Variants in ATP8A2 observed in about 807,000 individuals in gnomAD.
The protein encoded by ATP8A2 is ATPase phospholipid transporting 8A2.
Under a neutral mutation model 165.6 loss-of-function variants are expected in ATP8A2, and 100 were observed. That is an observed-to-expected ratio of 0.60 (90% CI 0.51 to 0.71). The LOEUF is 0.71. Among genes scored for constraint, ATP8A2 ranks in the 30% least tolerant of loss-of-function variants. The pLI is 0.00. For synonymous variants in ATP8A2, 543 were observed against 548.8 expected, an observed-to-expected ratio of 0.99 and a Z score of 0.15; for missense variants, 1,227 against 1,479.5, an observed-to-expected ratio of 0.83 and a Z score of 2.80.
At chr13:25,829,721 T>TATATATATATAA (rs1951416669) in intron 28 of ATP8A2, among the ~76,000 whole-genome samples, 1 of 119,006 alleles carries the variant, frequency 8.4e-6, no homozygotes, top group Non-Finnish European at 1.7e-5. Context: ...TATATATATA[T>TATATATATATAA]CACCTGCTTA....
At chr13:25,376,368 C>T (rs933925122) in intron 1 of ATP8A2, among the ~76,000 whole-genome samples, 1 of 152,208 alleles carries the variant, frequency 6.6e-6, no homozygotes, top group African/African-American at 2.4e-5. Context: ...TTTTACTGAA[C>T]TCTGTCATGG....
intron 28 of ATP8A2, among the ~76,000 whole-genome samples, chr13:25,836,159 T>C (rs944840246): frequency 1.0e-3 from 144 of 140,760 alleles, no homozygotes; most frequent in African/African-American, 3.7e-3. Context: ...GCTGTGAATC[T>C]CCTGTTTTTT....
intron 2 of ATP8A2, among the ~76,000 whole-genome samples, chr13:25,512,631 G>A (rs543595847): frequency 9.4e-5 from 14 of 148,480 alleles, no homozygotes; most frequent in East Asian, 2.0e-4. Context: ...CTGGCTGGGC[G>A]GGGGGCTGAC....
At chr13:25,691,758 A>G (rs980149888) in intron 24 of ATP8A2, among the ~76,000 whole-genome samples, 1 of 152,240 alleles carries the variant, frequency 6.6e-6, no homozygotes, top group African/African-American at 2.4e-5. Context: ...AGATTGGAAG[A>G]AGGCAATATT....
intron 24 of ATP8A2, among the ~76,000 whole-genome samples, chr13:25,607,697 T>C (rs1375101521): frequency 6.6e-6 from 1 of 152,100 alleles, no homozygotes; most frequent in Non-Finnish European, 1.5e-5. Context: ...TCTGAAACAG[T>C]GTTTTTAAAA....
Position 25,409,187 on chromosome 13 carries a change from A to G in ATP8A2, c.76+36899A>G, listed in dbSNP as rs191953483. 2.6e-3 allele frequency among the ~76,000 whole-genome samples: 403 copies of G among 152,310 alleles called. 1 individual carries two copies. The highest frequency in any genetic ancestry group is 4.3e-3 in the Non-Finnish European group (291 of 68,030). The stretch of plus-strand genomic sequence containing the variant: ...TTCTCAGCCCTGGTACATGCTGTCT[A>G]CTGAAGTATTGACTTAAAGTCTGCA... On this transcript the variant is annotated intron_variant, in intron 1 of 36. Coordinates refer to ENST00000381655, the MANE Select transcript of ATP8A2 (RefSeq NM_016529.6).
At chr13:25,860,783 A>C (rs774832351) in intron 31 of ATP8A2, 21 bp from the exon 32 acceptor site, 2 of 1,574,382 alleles carry the variant, frequency 1.3e-6, no homozygotes, top group African/African-American at 2.7e-5. Context: ...TGTGTTTCCA[A>C]ACTGTCTTTT....
At chr13:25,848,955 G>T (rs1951942625) in intron 30 of ATP8A2, among the ~76,000 whole-genome samples, 1 of 152,058 alleles carries the variant, frequency 6.6e-6, no homozygotes, top group Non-Finnish European at 1.5e-5. Context: ...GTTGCTAGTT[G>T]GGATGGGGTG....
At position 25,506,889 on chromosome 13, in the gene ATP8A2, A is replaced by AT. The variant is rs201444118; in HGVS notation, c.222-23106dup. On this transcript the variant is annotated intron_variant, in intron 2 of 36. Coordinates refer to ENST00000381655, the MANE Select transcript of ATP8A2 (RefSeq NM_016529.6). Reference sequence around the variant, plus strand: ...GATTTTAGAGCATTTCAAATTTCAGATTTTCGGATTAGGGATATTTAACCT... The same window carrying AT: ...GATTTTAGAGCATTTCAAATTTCAGATTTTTCGGATTAGGGATATTTAACCT... 4.5e-3 allele frequency among the ~76,000 whole-genome samples: 666 copies of AT among 149,020 alleles called. 6 individuals are homozygous for AT. Among genetic ancestry groups the AT allele is most frequent in the African/African-American group, 0.016 (629 of 40,554 alleles).
intron 23 of ATP8A2, 114 bp from the exon 24 acceptor site, chr13:25,589,521 A>G: frequency 2.8e-6 from 2 of 718,616 alleles, no homozygotes; most frequent in Admixed American, 2.2e-5. Context: ...CTGTTACCCT[A>G]TTCCTCTGTG....
At chr13:25,791,769 A>G (rs1593353209) in intron 27 of ATP8A2, among the ~76,000 whole-genome samples, 2 of 152,302 alleles carry the variant, frequency 1.3e-5, no homozygotes, top group East Asian at 1.9e-4. Flanking sequence ...CAACAATGAC[A>G]TGTTCCAGCC....
At chr13:25,794,989 C>G (rs547654931) in intron 27 of ATP8A2, among the ~76,000 whole-genome samples, 1 of 151,932 alleles carries the variant, frequency 6.6e-6, no homozygotes, top group Non-Finnish European at 1.5e-5. Context: ...CTCAGCCTCC[C>G]GAGAGTGATC....
At chr13:25,835,646 C>G (rs1044607139) in intron 28 of ATP8A2, among the ~76,000 whole-genome samples, 6 of 152,144 alleles carry the variant, frequency 3.9e-5, no homozygotes, top group Non-Finnish European at 8.8e-5. Context: ...TCAGGGCCAA[C>G]ATGTCCTGAG....
chr13:25,407,967 G>A (rs989334517), intron 1 of ATP8A2, among the ~76,000 whole-genome samples: 12 of 152,064 alleles, frequency 7.9e-5, no homozygotes, highest in African/African-American at 2.4e-4. Flanking sequence ...ATGCATGCGG[G>A]GCTTAAAACC....
chr13:25,532,238 G>C lies in ATP8A2; in HGVS notation c.421-34G>C, dbSNP rs769261646. On this transcript the variant is annotated intron_variant, in intron 4 of 36. Transcript: ENST00000381655. ...TTTCAATTATTCATGTGGAACTTTTGAATGTTAAACTATTTTTTTTCTTTC... is the reference window on the plus strand; with the variant it reads ...TTTCAATTATTCATGTGGAACTTTTCAATGTTAAACTATTTTTTTTCTTTC... 3.1e-5 allele frequency: 49 copies of C among 1,568,056 alleles called. No individual in the cohort carries two copies. The South Asian group carries it at 5.6e-4, about 18-fold the overall frequency.
chr13:25,376,609 G>A (rs1363006924), intron 1 of ATP8A2, among the ~76,000 whole-genome samples: 4 of 152,228 alleles, frequency 2.6e-5, no homozygotes, highest in Non-Finnish European at 4.4e-5. Context: ...CTGTGGGTAT[G>A]TGCATATAAG....
chr13:25,975,497 G>A (rs1956012601), intron 35 of ATP8A2, among the ~76,000 whole-genome samples: 1 of 152,026 alleles, frequency 6.6e-6, no homozygotes, highest in South Asian at 2.1e-4. Flanking sequence ...CAGGAGAATG[G>A]CGTGAACCCG....
At chr13:25,713,729 T>C (rs2043199098) in intron 25 of ATP8A2, among the ~76,000 whole-genome samples, 1 of 152,130 alleles carries the variant, frequency 6.6e-6, no homozygotes, top group Non-Finnish European at 1.5e-5. Context: ...TGAATGAATA[T>C]TGAGCATATG....
At chr13:25,862,221 G>A in intron 32 of ATP8A2, 80 bp from the exon 33 acceptor site, 2 of 957,478 alleles carry the variant, frequency 2.1e-6, no homozygotes, top group Non-Finnish European at 1.7e-6. Flanking sequence ...TTGGATGCAA[G>A]GATTCTGCAG....
Sources: gnomAD v4.1 joint callset for allele counts (sites outside exome capture counted in the v4.1 genomes callset) on GRCh38, gnomAD v4.1.1 for gene constraint, MANE v1.5 for transcripts, NCBI Gene and HGNC (gene_info 2026-07-23, HGNC 2026-07-21) for gene names.